AGBL4: variants seen among roughly 807,000 people sequenced by gnomAD.
AGBL4 encodes the protein cytosolic carboxypeptidase 6.
Under a neutral mutation model 66.4 loss-of-function variants are expected in AGBL4, and 58 were observed. The observed-to-expected ratio is 0.87, with a 90% CI of 0.71 to 1.09. AGBL4 has a LOEUF of 1.09. AGBL4 is among the 50% of genes least tolerant of loss of function. The pLI is 0.00. For missense variants in AGBL4, 579 were observed against 631.0 expected (o/e 0.92, Z 0.88); for synonymous variants, 234 against 222.9 (o/e 1.05, Z -0.44).
intron 5 of AGBL4, among the ~76,000 whole-genome samples, chr1:48,904,623 T>C (rs1408611208): frequency 2.6e-5 from 4 of 152,202 alleles, no homozygotes; most frequent in African/African-American, 9.6e-5. Context: ...TGCCTTTCTG[T>C]GCCTCTGTTT....
chr1:48,742,910 C>A, intron 6 of AGBL4: 1 of 772,446 alleles, frequency 1.3e-6, no homozygotes. Flanking sequence ...CACTTAAACC[C>A]AGACTCGAAA....
chr1:49,601,368 T>C (rs1370301573), intron 3 of AGBL4, among the ~76,000 whole-genome samples: 4 of 152,150 alleles, frequency 2.6e-5, no homozygotes, highest in Admixed American at 2.6e-4. Flanking sequence ...TCATGCTTTA[T>C]TTCATTAAGT....
chr1:48,856,467 G>A (rs1259340423), intron 6 of AGBL4, among the ~76,000 whole-genome samples: 1 of 152,122 alleles, frequency 6.6e-6, no homozygotes, highest in African/African-American at 2.4e-5. Flanking sequence ...TGATGTGTAT[G>A]CAGTTTTTGA....
At chr1:49,652,597 T>C (rs1266450861) in intron 3 of AGBL4, among the ~76,000 whole-genome samples, 1 of 152,054 alleles carries the variant, frequency 6.6e-6, no homozygotes, top group South Asian at 2.1e-4. Context: ...TGGCAATGGG[T>C]AGGGATGGCC....
chr1:48,962,100 T>A (rs1176876279), intron 5 of AGBL4, among the ~76,000 whole-genome samples: 1 of 145,200 alleles, frequency 6.9e-6, no homozygotes, highest in Non-Finnish European at 1.5e-5. Flanking sequence ...AAAGATCCCA[T>A]CCATCCATCC....
rs138695176 is a variant in AGBL4 at position 49,685,955 on chromosome 1, T to C, written c.282+11358A>G. Among the ~76,000 whole-genome samples, 874 of 152,284 alleles carry C rather than the reference T, an allele frequency of 5.7e-3. 6 individuals carry two copies. The highest frequency in any genetic ancestry group is 8.7e-3 in the Non-Finnish European group (591 of 68,018). ...GTTGCAATTGCTTTTGGAGTATTTGTTAATAAAATCTTTACCATGGTCTAT... is the reference window on the plus strand; with the variant it reads ...GTTGCAATTGCTTTTGGAGTATTTGCTAATAAAATCTTTACCATGGTCTAT... On this transcript the variant is annotated intron_variant, in intron 3 of 13. Transcript: ENST00000371839.
intron 1 of AGBL4, among the ~76,000 whole-genome samples, chr1:49,912,195 T>C: frequency 6.6e-6 from 1 of 152,274 alleles, no homozygotes; most frequent in African/African-American, 2.4e-5. Context: ...ATGAGAAAAC[T>C]ATCCCATCTG....
At chr1:49,637,821 C>T (rs972420710) in intron 3 of AGBL4, among the ~76,000 whole-genome samples, 2 of 151,844 alleles carry the variant, frequency 1.3e-5, no homozygotes, top group Admixed American at 6.6e-5. Flanking sequence ...TAAAAACAAC[C>T]ACAATTTTAG....
At chr1:49,841,373 T>C (rs930581892) in intron 2 of AGBL4, among the ~76,000 whole-genome samples, 1 of 152,158 alleles carries the variant, frequency 6.6e-6, no homozygotes, top group African/African-American at 2.4e-5. Flanking sequence ...AGACATACCA[T>C]GCTCATTGAT....
intron 9 of AGBL4, among the ~76,000 whole-genome samples, chr1:48,594,086 G>A (rs1317108705): frequency 2.0e-5 from 3 of 152,190 alleles, no homozygotes; most frequent in African/African-American, 7.2e-5. Context: ...AGCACTTTGG[G>A]AGGCTGAGGT....
chr1:48,926,151 A>C (rs1478029518), intron 5 of AGBL4, among the ~76,000 whole-genome samples: 2 of 152,238 alleles, frequency 1.3e-5, no homozygotes, highest in Non-Finnish European at 2.9e-5. Flanking sequence ...CATTATATGC[A>C]GAAGAAGACA....
chr1:48,565,909 A>G (rs747029960), intron 11 of AGBL4, among the ~76,000 whole-genome samples: 7 of 152,146 alleles, frequency 4.6e-5, no homozygotes, highest in Non-Finnish European at 1.0e-4. Flanking sequence ...GCCCTTGCTA[A>G]TTGCTCCTTT....
chr1:49,775,974 T>C (rs1464810648), intron 2 of AGBL4, among the ~76,000 whole-genome samples: 3 of 152,088 alleles, frequency 2.0e-5, no homozygotes, highest in Non-Finnish European at 4.4e-5. Flanking sequence ...TGAGCAAGTA[T>C]TGTATATTAC....
intron 5 of AGBL4, among the ~76,000 whole-genome samples, chr1:48,922,835 T>C (rs985506277): frequency 6.6e-6 from 1 of 151,914 alleles, no homozygotes; most frequent in African/African-American, 2.4e-5. Context: ...AAATCATTGA[T>C]TAAATAATGT....
chr1:49,696,443 T>C (rs1489410852), intron 3 of AGBL4, among the ~76,000 whole-genome samples: 2 of 152,112 alleles, frequency 1.3e-5, no homozygotes, highest in Non-Finnish European at 2.9e-5. Context: ...GAATCCCTCA[T>C]CTGGAAATCG....
chr1:49,571,567 T>C (rs2148870751), intron 3 of AGBL4, among the ~76,000 whole-genome samples: 1 of 152,256 alleles, frequency 6.6e-6, no homozygotes, highest in Non-Finnish European at 1.5e-5. Context: ...CTTTTATTTG[T>C]TTCTCTTGGC....
intron 3 of AGBL4, among the ~76,000 whole-genome samples, chr1:49,382,019 A>T (rs985156776): frequency 1.3e-4 from 20 of 152,052 alleles, no homozygotes; most frequent in African/African-American, 3.4e-4. Context: ...AAAATAAAAA[A>T]AAATACAGTT....
intron 3 of AGBL4, among the ~76,000 whole-genome samples, chr1:49,282,194 T>C (rs951403139): frequency 1.3e-5 from 2 of 152,158 alleles, no homozygotes; most frequent in Non-Finnish European, 2.9e-5. Context: ...CTGTGTTGAG[T>C]GTTGTATTAA....
intron 4 of AGBL4, among the ~76,000 whole-genome samples, chr1:49,089,850 C>A (rs1015160048): frequency 1.3e-5 from 2 of 152,050 alleles, no homozygotes; most frequent in Non-Finnish European, 2.9e-5. Flanking sequence ...AAATCCTCAG[C>A]AAAATACTAG....
Sources: gnomAD v4.1 joint callset for allele counts (sites outside exome capture counted in the v4.1 genomes callset) on GRCh38, gnomAD v4.1.1 for gene constraint, MANE v1.5 for transcripts, NCBI Gene and HGNC (gene_info 2026-07-23, HGNC 2026-07-21) for gene names.